DOCK1: variants seen among roughly 807,000 people sequenced by gnomAD.
DOCK1 encodes the protein dedicator of cytokinesis protein 1.
DOCK1 carries 138 observed loss-of-function variants against 262.7 expected under a neutral mutation model. The observed-to-expected ratio is 0.53, with a 90% CI of 0.46 to 0.61. DOCK1 has a LOEUF of 0.61. Ranked by LOEUF, DOCK1 falls within the 20% of genes least tolerant of loss-of-function variation. The probability of loss-of-function intolerance (pLI) is 0.00; values close to 1 mark genes in which losing one functional copy is unlikely to be tolerated. For missense variants in DOCK1, 1,908 were observed against 2,370.7 expected (o/e 0.80, Z 4.05); for synonymous variants, 866 against 867.4 (o/e 1.00, Z 0.03).
chr10:127,048,992 G>T (rs189457872), intron 21 of DOCK1, among the ~76,000 whole-genome samples: 6 of 152,230 alleles, frequency 3.9e-5, no homozygotes, highest in African/African-American at 1.4e-4. Flanking sequence ...TTATTATTGC[G>T]CTGGAAGTAG....
intron 27 of DOCK1, among the ~76,000 whole-genome samples, chr10:127,203,163 T>C (rs1439391364): frequency 6.6e-6 from 1 of 152,248 alleles, no homozygotes; most frequent in Non-Finnish European, 1.5e-5. Flanking sequence ...ATTAAAATGA[T>C]TCATCACAAT....
intron 19 of DOCK1, among the ~76,000 whole-genome samples, chr10:127,040,904 A>G (rs2043972882): frequency 6.6e-6 from 1 of 152,046 alleles, no homozygotes; most frequent in Admixed American, 6.5e-5. Context: ...GAAACCACAT[A>G]GCTATTAGTA....
rs748484734 is a variant in DOCK1, at chr10:127,439,159, T to G, written c.5193T>G (p.Phe1731Leu). 1 of 1,610,054 alleles carries G rather than the reference T, an allele frequency of 6.2e-7. No homozygotes were observed. Among genetic ancestry groups the G allele is most frequent in the Non-Finnish European group, 8.5e-7 (1 of 1,178,274 alleles). The part of the protein sequence containing the change: ...EKRNSKHQEI[F>L]EKEFKPTDIS... ...GGAACAGCAAACATCAAGAGATATT[T>G]GAGAAAGAATTTAAACCCACCGACA... Residue 1731 changes from phenylalanine to leucine, a missense_variant, in exon 49 of 52, where the codon TTT becomes TTG. Transcript: ENST00000623213.
chr10:126,997,880 A>G, intron 7 of DOCK1: 1 of 555,458 alleles, frequency 1.8e-6, no homozygotes, highest in Non-Finnish European at 3.2e-6. Context: ...GAAAATACTC[A>G]GCACAGCAGT....
At position 127,451,673 on chromosome 10, in the gene DOCK1, G is replaced by A. The variant is rs1002158205; in HGVS notation, c.*246G>A. 21 of 735,600 alleles carry A rather than the reference G, an allele frequency of 2.9e-5. No individual in the cohort carries two copies. The highest frequency in any genetic ancestry group is 4.0e-5 in the Non-Finnish European group (20 of 495,464). 45.6% of individuals were successfully genotyped at this position (735,600 alleles called of 1,614,324 possible). On this transcript the variant is annotated 3_prime_UTR_variant, in exon 52 of 52. Coordinates refer to ENST00000623213, the MANE Select transcript of DOCK1 (RefSeq NM_001290223.2). ...GCTATCGTAGTTATCAGAGTTGGGG[G>A]CCTCTGAGTGTGTCTGGCTCTGAGA...
chr10:127,308,199 A>G (rs1351782774), intron 29 of DOCK1, among the ~76,000 whole-genome samples: 2 of 152,172 alleles, frequency 1.3e-5, no homozygotes, highest in African/African-American at 2.4e-5. Context: ...TCCTCCTGTC[A>G]GTCCTTACGA....
At chr10:127,317,487 C>T (rs569723554) in intron 29 of DOCK1, among the ~76,000 whole-genome samples, 2 of 152,174 alleles carry the variant, frequency 1.3e-5, no homozygotes, top group South Asian at 4.2e-4. Context: ...ATGCTGGGCA[C>T]TGTTTGTTCT....
At chr10:126,952,383 GTGT>G (rs2036333947) in intron 1 of DOCK1, among the ~76,000 whole-genome samples, 2 of 151,218 alleles carry the variant, frequency 1.3e-5, no homozygotes, top group Non-Finnish European at 2.9e-5. Flanking sequence ...ATTGTTGGTA[GTGT>G]TGGTGATGTG....
At chr10:127,367,077 C>G (rs1198850013) in intron 33 of DOCK1, among the ~76,000 whole-genome samples, 1 of 152,154 alleles carries the variant, frequency 6.6e-6, no homozygotes, top group African/African-American at 2.4e-5. Context: ...GAGAGGAGAC[C>G]TGCTGGATTC....
intron 29 of DOCK1, among the ~76,000 whole-genome samples, chr10:127,272,515 A>T (rs188254867): frequency 3.6e-4 from 55 of 152,326 alleles, no homozygotes; most frequent in African/African-American, 1.3e-3. Context: ...GGCTGACTGA[A>T]TGGGTAGCTT....
At chr10:127,148,478 T>C (rs2052141693) in intron 27 of DOCK1, among the ~76,000 whole-genome samples, 1 of 152,220 alleles carries the variant, frequency 6.6e-6, no homozygotes, top group African/African-American at 2.4e-5. Flanking sequence ...CATGTTATTT[T>C]CATGAAAATG....
intron 29 of DOCK1, among the ~76,000 whole-genome samples, chr10:127,275,820 A>G (rs1014390840): frequency 6.6e-6 from 1 of 152,188 alleles, no homozygotes; most frequent in Non-Finnish European, 1.5e-5. Flanking sequence ...CCTACTGCAG[A>G]ATGAAGTCAG....
chr10:127,093,580 C>T (rs1259558562), intron 23 of DOCK1, among the ~76,000 whole-genome samples: 1 of 152,018 alleles, frequency 6.6e-6, no homozygotes, highest in Non-Finnish European at 1.5e-5. Flanking sequence ...TCTTGAACTC[C>T]TGAGCTCAAG....
At chr10:127,185,411 A>G (rs2056138211) in intron 27 of DOCK1, among the ~76,000 whole-genome samples, 1 of 152,172 alleles carries the variant, frequency 6.6e-6, no homozygotes, top group Non-Finnish European at 1.5e-5. Context: ...CTGTAATCCC[A>G]GCTACTTGGG....
intron 1 of DOCK1, among the ~76,000 whole-genome samples, chr10:126,931,719 G>A (rs1207716749): frequency 6.6e-6 from 1 of 152,184 alleles, no homozygotes; most frequent in Non-Finnish European, 1.5e-5. Context: ...AGTTTATGCA[G>A]TCAGGCTCTG....
intron 32 of DOCK1, among the ~76,000 whole-genome samples, chr10:127,361,222 T>TC (rs2064412928): frequency 6.7e-6 from 1 of 148,430 alleles, no homozygotes; most frequent in African/African-American, 2.5e-5. Context: ...CACGCCATTC[T>TC]CCTGCCTCAG....
chr10:127,314,367 G>A (rs986100939), intron 29 of DOCK1, among the ~76,000 whole-genome samples: 1 of 152,224 alleles, frequency 6.6e-6, no homozygotes, highest in Non-Finnish European at 1.5e-5. Context: ...ACCAGTAGTG[G>A]CTCCAGCAGT....
chr10:127,143,186 G>C (rs1227648114), intron 27 of DOCK1, among the ~76,000 whole-genome samples: 1 of 152,196 alleles, frequency 6.6e-6, no homozygotes, highest in African/African-American at 2.4e-5. Context: ...TTTTAAAGTT[G>C]CCTTCTGCAG....
At chr10:127,056,205 T>C (rs2045131741) in intron 22 of DOCK1, among the ~76,000 whole-genome samples, 1 of 152,102 alleles carries the variant, frequency 6.6e-6, no homozygotes, top group African/African-American at 2.4e-5. Context: ...CTGATCATGA[T>C]GATGATGATG....
Sources: allele counts gnomAD v4.1 joint callset (sites outside exome capture counted in the v4.1 genomes callset), GRCh38; gene constraint gnomAD v4.1.1; transcripts MANE v1.5; gene names NCBI Gene and HGNC (gene_info 2026-07-23, HGNC 2026-07-21).